Variants in PCDHA1 observed in about 807,000 individuals in gnomAD.
PCDHA1 encodes the protein protocadherin alpha 1.
PCDHA1 carries 42 observed loss-of-function variants against 61.3 expected under a neutral mutation model. That is an observed-to-expected ratio of 0.69 (90% confidence interval 0.54 to 0.89). The LOEUF (loss-of-function observed/expected upper bound fraction) is 0.89, where lower values mean the gene tolerates loss of function less well. PCDHA1 is among the 40% of genes least tolerant of loss of function. PCDHA1 has a pLI of 0.00. For synonymous variants in PCDHA1, 610 were observed against 553.8 expected, an observed-to-expected ratio of 1.10 and a Z score of -1.43; for missense variants, 1,256 against 1,235.3, an observed-to-expected ratio of 1.02 and a Z score of -0.25.
intron 1 of PCDHA1, chr5:140,882,202 T>A: frequency 2.0e-6 from 3 of 1,529,778 alleles, no homozygotes; most frequent in Non-Finnish European, 2.6e-6. Context: ...AAATTGGGCC[T>A]TGAGAGACAG....
chr5:140,890,439 A>G (rs114755692), intron 1 of PCDHA1, among the ~76,000 whole-genome samples: 1 of 152,210 alleles, frequency 6.6e-6, no homozygotes, highest in Non-Finnish European at 1.5e-5. Context: ...TACAATACCT[A>G]GTGATATCTT....
chr5:140,931,314 A>G (rs782684940), intron 1 of PCDHA1, among the ~76,000 whole-genome samples: 3 of 152,176 alleles, frequency 2.0e-5, no homozygotes, highest in Non-Finnish European at 4.4e-5. Context: ...GGAGAATACC[A>G]GTAATGGCTG....
chr5:140,926,209 T>A (rs553307318), intron 1 of PCDHA1, among the ~76,000 whole-genome samples: 1 of 152,028 alleles, frequency 6.6e-6, no homozygotes, highest in African/African-American at 2.4e-5. Context: ...GGGGGGCTCC[T>A]GTTTCCTTAA....
At chr5:140,918,007 G>C (rs1313004826) in intron 1 of PCDHA1, among the ~76,000 whole-genome samples, 1 of 151,954 alleles carries the variant, frequency 6.6e-6, no homozygotes, top group Non-Finnish European at 1.5e-5. Context: ...TAACAATGTT[G>C]TTTCTTCCTA....
Position 140,842,573 on chromosome 5 carries a change from G to A in PCDHA1, c.2394+53889G>A, listed in dbSNP as rs1190804367. The A allele has an allele frequency of 6.6e-6, 10 of 1,507,924 alleles. 1 individual carries two copies. In the African/African-American group the frequency reaches 7.3e-5, roughly 11 times the overall value. 93.4% of individuals were successfully genotyped at this position (1,507,924 alleles called of 1,614,324 possible). A position where few individuals can be genotyped will look rare whatever the true frequency, so the allele number is the denominator to read the frequency against. On this transcript the variant is annotated intron_variant, in intron 1 of 3. Transcript: ENST00000504120. ...GGACAGCGCCCTGGACCGCGAGAGA[G>A]TGTCGGCCTATGAGTTGGTGGTAAC...
At chr5:140,849,747 G>C (rs2150448012) in intron 1 of PCDHA1, 5 of 1,598,444 alleles carry the variant, frequency 3.1e-6, no homozygotes, top group Non-Finnish European at 4.3e-6. Context: ...CCGCGAGAGT[G>C]TGTCCGCCTA....
At chr5:140,836,267 T>C in intron 1 of PCDHA1, 1 of 1,613,696 alleles carries the variant, frequency 6.2e-7, no homozygotes, top group Non-Finnish European at 8.5e-7. Flanking sequence ...GGCTGTACAC[T>C]GGTGAGATCA....
chr5:140,843,136 G>T (rs1554139779), intron 1 of PCDHA1: 3 of 1,596,026 alleles, frequency 1.9e-6, no homozygotes, highest in Non-Finnish European at 2.6e-6. Context: ...GCTACAACGC[G>T]TGGCTTTCGT....
chr5:140,809,032 T>C (rs1554124955), intron 1 of PCDHA1: 1 of 1,613,838 alleles, frequency 6.2e-7, no homozygotes, highest in South Asian at 1.1e-5. Context: ...AGCCGGGGAC[T>C]GGTGGCGCGC....
chr5:140,934,555 CT>C (rs1355336850), intron 1 of PCDHA1, among the ~76,000 whole-genome samples: 2 of 151,972 alleles, frequency 1.3e-5, no homozygotes, highest in African/African-American at 2.4e-5. Context: ...ATCATTTCTT[CT>C]TTTTTTTAAT....
intron 1 of PCDHA1, chr5:140,805,418 TTTG>T (rs1360304956): frequency 1.9e-6 from 2 of 1,064,468 alleles, no homozygotes; most frequent in African/African-American, 3.4e-5. Context: ...TGGTGGGTTT[TTTG>T]TTGTTGTTTT....
intron 1 of PCDHA1, chr5:140,829,595 C>A (rs147522996): frequency 2.5e-6 from 4 of 1,611,770 alleles, no homozygotes; most frequent in Non-Finnish European, 3.4e-6. Context: ...GGTGGGCGAG[C>A]GCGCGTTGTC....
intron 1 of PCDHA1, chr5:140,850,975 T>G: frequency 6.9e-7 from 1 of 1,451,728 alleles, no homozygotes; most frequent in Non-Finnish European, 9.2e-7. Flanking sequence ...GTTCAAATAG[T>G]TTTATTCATT....
chr5:140,808,774 G>A (rs1554124777), intron 1 of PCDHA1: 2 of 1,612,462 alleles, frequency 1.2e-6, no homozygotes, highest in South Asian at 1.1e-5. Flanking sequence ...AGGAGCTAGA[G>A]CTGCTGCAGT....
At chr5:140,879,939 T>C (rs1554171083) in intron 1 of PCDHA1, among the ~76,000 whole-genome samples, 1 of 152,194 alleles carries the variant, frequency 6.6e-6, no homozygotes. Flanking sequence ...TGTGATTGTA[T>C]TTAGGGCCCA....
chr5:140,870,553 C>T, intron 1 of PCDHA1: 1 of 1,614,032 alleles, frequency 6.2e-7, no homozygotes, highest in East Asian at 2.2e-5. Flanking sequence ...CGCGGACGCG[C>T]AGGAGAACGC....
intron 1 of PCDHA1, chr5:140,823,555 C>A: frequency 6.2e-7 from 1 of 1,613,846 alleles, no homozygotes; most frequent in Non-Finnish European, 8.5e-7. Flanking sequence ...GGCGAAGGTG[C>A]GCGCAGTGGA....
At chr5:141,002,934 C>A (rs1318656602) in intron 3 of PCDHA1, among the ~76,000 whole-genome samples, 2 of 152,172 alleles carry the variant, frequency 1.3e-5, no homozygotes, top group Non-Finnish European at 2.9e-5. Flanking sequence ...CCTCCAACAC[C>A]CTCCAGCACA....
intron 1 of PCDHA1, among the ~76,000 whole-genome samples, chr5:140,976,851 T>C (rs1402328541): frequency 6.6e-6 from 1 of 152,206 alleles, no homozygotes; most frequent in African/African-American, 2.4e-5. Context: ...ATCCCTTTCA[T>C]AGAGTTTACT....
Sources: gnomAD v4.1 joint callset for allele counts (sites outside exome capture counted in the v4.1 genomes callset) on GRCh38, gnomAD v4.1.1 for gene constraint, MANE v1.5 for transcripts, NCBI Gene and HGNC (gene_info 2026-07-23, HGNC 2026-07-21) for gene names.